Variants in ZHX2 observed in about 807,000 individuals in gnomAD.
The protein encoded by ZHX2 is zinc fingers and homeoboxes 2.
In ZHX2, 6 loss-of-function variants were observed where a neutral mutation model predicts 21.9. The observed-to-expected ratio is 0.27, with a 90% CI of 0.15 to 0.54. The LOEUF is 0.54. ZHX2 is among the 20% of genes least tolerant of loss of function. The pLI, the probability that ZHX2 is intolerant of heterozygous loss-of-function variation, is 0.95. For synonymous variants in ZHX2, 434 were observed against 437.1 expected, an observed-to-expected ratio of 0.99 and a Z score of 0.09; for missense variants, 908 against 1,090.7, an observed-to-expected ratio of 0.83 and a Z score of 2.36.
chr8:122,876,661 G>A (rs1387753874), intron 2 of ZHX2, among the ~76,000 whole-genome samples: 1 of 152,230 alleles, frequency 6.6e-6, no homozygotes, highest in Non-Finnish European at 1.5e-5. Flanking sequence ...GGACGGGGTA[G>A]CGTGATAGCA....
intron 2 of ZHX2, among the ~76,000 whole-genome samples, chr8:122,891,076 A>T (rs1003590436): frequency 1.9e-4 from 29 of 152,160 alleles, no homozygotes; most frequent in African/African-American, 6.3e-4. Context: ...GTTTAGAAGA[A>T]TTCTCTCTGC....
intron 1 of ZHX2, chr8:122,808,830 A>G (rs1239330663): frequency 6.6e-6 from 1 of 152,232 alleles, no homozygotes; most frequent in South Asian, 2.1e-4. Flanking sequence ...CAAGATTTGA[A>G]CCTGACTAGT....
Position 122,944,663 on chromosome 8 carries a change from G to A in ZHX2, c.-219-6629G>A, listed in dbSNP as rs1020137382. Among the ~76,000 whole-genome samples, 7 of 152,164 alleles carry A rather than the reference G, an allele frequency of 4.6e-5. No homozygotes were observed. The East Asian group carries it at 5.8e-4, about 13-fold the overall frequency. On this transcript the variant is annotated intron_variant, in intron 2 of 3. Transcript: ENST00000314393. ...TCTGTCCATCCACCGCTGTATCTTC[G>A]GCAACTAGAACAGCATCTGGCACCA...
intron 1 of ZHX2, chr8:122,810,531 C>T (rs1293316627): frequency 6.6e-6 from 1 of 152,214 alleles, no homozygotes; most frequent in African/African-American, 2.4e-5. Flanking sequence ...TCAAGTCCCA[C>T]ATGAGCAGGA....
At chr8:122,882,145 T>C (rs1452519617) in intron 2 of ZHX2, among the ~76,000 whole-genome samples, 1 of 152,202 alleles carries the variant, frequency 6.6e-6, no homozygotes, top group African/African-American at 2.4e-5. Context: ...CTCCTTGTCT[T>C]AATCTGCCCC....
Position 122,811,610 on chromosome 8 carries a change from C to T in ZHX2, c.-283+29664C>T, listed in dbSNP as rs936885167. Among the ~76,000 whole-genome samples the T allele has an allele frequency of 1.2e-4, 18 of 152,184 alleles. 1 individual carries two copies. Among genetic ancestry groups the T allele is most frequent in the East Asian group, 7.7e-4 (4 of 5,188 alleles). On this transcript the variant is annotated intron_variant, in intron 1 of 3. Coordinates refer to ENST00000314393, the MANE Select transcript of ZHX2 (RefSeq NM_014943.5). ...GGGCAGACAGAACAGAAAGAGAAAT[C>T]CCATCTGTGATGTTTGCAGGAGAGT...
chr8:122,863,169 C>T (rs1480112212), intron 1 of ZHX2, among the ~76,000 whole-genome samples: 2 of 152,220 alleles, frequency 1.3e-5, no homozygotes, highest in Admixed American at 6.5e-5. Flanking sequence ...AGAGAGGCCT[C>T]CCGCACCCCT....
chr8:122,787,872 A>G (rs1001719999), intron 1 of ZHX2, among the ~76,000 whole-genome samples: 2 of 152,224 alleles, frequency 1.3e-5, no homozygotes, highest in African/African-American at 4.8e-5. Context: ...GTCTAAGTTA[A>G]GGAGGAAGTG....
At chr8:122,960,441 G>A (rs1191298953) in intron 3 of ZHX2, among the ~76,000 whole-genome samples, 1 of 152,128 alleles carries the variant, frequency 6.6e-6, no homozygotes, top group Non-Finnish European at 1.5e-5. Context: ...GTGGGGCTGA[G>A]GCAGGAGAAT....
intron 1 of ZHX2, among the ~76,000 whole-genome samples, chr8:122,843,603 G>T (rs1305170626): frequency 6.6e-6 from 1 of 152,178 alleles, no homozygotes; most frequent in Non-Finnish European, 1.5e-5. Context: ...GAGCCATTTG[G>T]GTGGAAACGG....
At chr8:122,830,239 T>C (rs538607898) in intron 1 of ZHX2, among the ~76,000 whole-genome samples, 39 of 152,322 alleles carry the variant, frequency 2.6e-4, no homozygotes, top group Non-Finnish European at 4.9e-4. Context: ...TGTCCTAGTC[T>C]GATGTAACTG....
At chr8:122,968,073 T>C (rs556127299) in intron 3 of ZHX2, among the ~76,000 whole-genome samples, 31 of 152,194 alleles carry the variant, frequency 2.0e-4, no homozygotes, top group African/African-American at 7.2e-4. Context: ...TGCAAGTCTT[T>C]GAGGTAAAAA....
At chr8:122,885,797 TA>T (rs1164729984) in intron 2 of ZHX2, among the ~76,000 whole-genome samples, 5 of 152,170 alleles carry the variant, frequency 3.3e-5, no homozygotes, top group African/African-American at 4.8e-5. Flanking sequence ...GAGAATATCA[TA>T]AACATTCAAC....
chr8:122,793,674 T>C (rs1817565630), intron 1 of ZHX2, among the ~76,000 whole-genome samples: 1 of 152,236 alleles, frequency 6.6e-6, no homozygotes, highest in African/African-American at 2.4e-5. Flanking sequence ...TCTAGATGAA[T>C]AACAGATGTG....
chr8:122,847,023 T>G (rs1216877274), intron 1 of ZHX2, among the ~76,000 whole-genome samples: 1 of 152,076 alleles, frequency 6.6e-6, no homozygotes, highest in African/African-American at 2.4e-5. Flanking sequence ...TGTTAGCTGA[T>G]GTTGTTGTTA....
chr8:122,824,646 T>C (rs911905202), intron 1 of ZHX2, among the ~76,000 whole-genome samples: 1 of 152,216 alleles, frequency 6.6e-6, no homozygotes, highest in East Asian at 1.9e-4. Flanking sequence ...GGTACCAATA[T>C]AGGGCCGGTC....
intron 2 of ZHX2, among the ~76,000 whole-genome samples, chr8:122,880,158 G>C (rs1337801182): frequency 6.6e-6 from 1 of 151,876 alleles, no homozygotes; most frequent in African/African-American, 2.4e-5. Flanking sequence ...ATTTTTCGTA[G>C]AGATGGGGTT....
At chr8:122,783,013 G>C (rs896490573) in intron 1 of ZHX2, among the ~76,000 whole-genome samples, 1 of 152,192 alleles carries the variant, frequency 6.6e-6, no homozygotes, top group African/African-American at 2.4e-5. Flanking sequence ...ATCACAGGAC[G>C]GTCCCTTTGG....
chr8:122,851,705 C>A lies in ZHX2; in HGVS notation c.-282-11772C>A, dbSNP rs369947818. 3.9e-5 allele frequency among the ~76,000 whole-genome samples: 6 copies of A among 152,368 alleles called. No homozygotes were observed. The East Asian group carries it at 1.2e-3, about 29-fold the overall frequency. On this transcript the variant is annotated intron_variant, in intron 1 of 3. Coordinates refer to ENST00000314393, the MANE Select transcript of ZHX2 (RefSeq NM_014943.5). The stretch of plus-strand genomic sequence containing the variant: ...CTTTGTATGCATGACCTCATATCTC[C>A]CAGCAGCCTATGAGGTCAGTACTGT...
Sources: gnomAD v4.1 joint callset for allele counts (sites outside exome capture counted in the v4.1 genomes callset) on GRCh38, gnomAD v4.1.1 for gene constraint, MANE v1.5 for transcripts, NCBI Gene and HGNC (gene_info 2026-07-23, HGNC 2026-07-21) for gene names.